Variants in GRM7 observed in about 807,000 individuals in gnomAD.
The protein encoded by GRM7 is glutamate metabotropic receptor 7.
GRM7 carries 35 observed loss-of-function variants against 84.5 expected under a neutral mutation model. The observed-to-expected ratio is 0.41, with a 90% confidence interval of 0.32 to 0.55. GRM7 has a LOEUF of 0.55. Among genes scored for constraint, GRM7 ranks in the 20% least tolerant of loss-of-function variants. GRM7 has a pLI of 0.19. For missense variants in GRM7, 1,003 were observed against 1,194.6 expected (o/e 0.84, Z 2.36); for synonymous variants, 487 against 455.1 (o/e 1.07, Z -0.89).
intron 4 of GRM7, among the ~76,000 whole-genome samples, chr3:7,414,529 C>T (rs561805925): frequency 6.6e-6 from 1 of 152,246 alleles, no homozygotes; most frequent in African/African-American, 2.4e-5. Context: ...TTCCTGGCGT[C>T]CTCGTCCCTG....
intron 5 of GRM7, among the ~76,000 whole-genome samples, chr3:7,438,363 G>A (rs1358725587): frequency 6.6e-6 from 1 of 151,864 alleles, no homozygotes; most frequent in Non-Finnish European, 1.5e-5. Context: ...TGAGATATGG[G>A]GAAATGAGAG....
intron 1 of GRM7, among the ~76,000 whole-genome samples, chr3:7,088,695 T>TTTTTTTTTTTTTTTTTTTTGAG (rs1553615402): frequency 2.1e-5 from 3 of 141,070 alleles, no homozygotes; most frequent in African/African-American, 5.7e-5. Context: ...ACTGATTTCT[T>TTTTTTTTTTTTTTTTTTTTGAG]ATTCATCGAA....
At chr3:7,183,835 A>T (rs1471121673) in intron 2 of GRM7, among the ~76,000 whole-genome samples, 1 of 152,140 alleles carries the variant, frequency 6.6e-6, no homozygotes, top group Non-Finnish European at 1.5e-5. Context: ...GTATTGTAAA[A>T]CTCAAAGAAA....
At chr3:7,064,375 G>C (rs1029988451) in intron 1 of GRM7, among the ~76,000 whole-genome samples, 1 of 149,300 alleles carries the variant, frequency 6.7e-6, no homozygotes, top group Non-Finnish European at 1.5e-5. Flanking sequence ...TGGAATAATA[G>C]TCTCCAATCG....
intron 3 of GRM7, among the ~76,000 whole-genome samples, chr3:7,304,315 T>C: frequency 6.7e-6 from 1 of 150,354 alleles, no homozygotes; most frequent in East Asian, 1.9e-4. Flanking sequence ...ATCCTTTTTT[T>C]TTTTTTTTGC....
intron 5 of GRM7, among the ~76,000 whole-genome samples, chr3:7,419,041 C>T (rs1696288636): frequency 6.6e-6 from 1 of 152,100 alleles, no homozygotes; most frequent in Admixed American, 6.6e-5. Flanking sequence ...ATTTTCTGCT[C>T]TTCTGGGCTG....
intron 1 of GRM7, among the ~76,000 whole-genome samples, chr3:7,024,574 C>T (rs73130517): frequency 2.6e-3 from 400 of 152,320 alleles, no homozygotes; most frequent in African/African-American, 9.3e-3. Flanking sequence ...ATGAGGAGAG[C>T]CTTCCAGGCA....
chr3:6,864,153 C>G (rs913897084), intron 1 of GRM7, among the ~76,000 whole-genome samples: 7 of 152,282 alleles, frequency 4.6e-5, no homozygotes, highest in Middle Eastern at 3.4e-3. Flanking sequence ...TTGCAAATTG[C>G]AGCTATTCAT....
intron 8 of GRM7, among the ~76,000 whole-genome samples, chr3:7,601,796 C>T (rs1461974562): frequency 6.6e-6 from 1 of 152,008 alleles, no homozygotes; most frequent in East Asian, 1.9e-4. Context: ...AAGAGAGACC[C>T]TAACTCTCAA....
At chr3:7,471,319 G>A (rs753927856) in intron 7 of GRM7, among the ~76,000 whole-genome samples, 1 of 152,042 alleles carries the variant, frequency 6.6e-6, no homozygotes, top group East Asian at 1.9e-4. Flanking sequence ...ATATCAAGGC[G>A]GCACCAGGGC....
chr3:7,197,806 T>C (rs1454172319), intron 2 of GRM7, among the ~76,000 whole-genome samples: 1 of 151,972 alleles, frequency 6.6e-6, no homozygotes, highest in African/African-American at 2.4e-5. Context: ...TGCTTAACAA[T>C]TCATAATTAA....
At chr3:7,310,022 T>C (rs1700335723) in intron 4 of GRM7, among the ~76,000 whole-genome samples, 1 of 152,174 alleles carries the variant, frequency 6.6e-6, no homozygotes, top group South Asian at 2.1e-4. Context: ...AATAATCCTC[T>C]GCAGCCTCCA....
chr3:7,726,803 A>G (rs941310736), intron 9 of GRM7, among the ~76,000 whole-genome samples: 3 of 150,612 alleles, frequency 2.0e-5, no homozygotes, highest in Non-Finnish European at 4.4e-5. Context: ...TAAATTTAAT[A>G]TTGATGTATT....
chr3:7,112,994 C>T (rs1171513553), intron 1 of GRM7, among the ~76,000 whole-genome samples: 1 of 151,986 alleles, frequency 6.6e-6, no homozygotes, highest in Admixed American at 6.5e-5. Context: ...TCAAACTTTT[C>T]AAAATGAGCT....
chr3:7,499,298 T>C (rs1193237485), intron 7 of GRM7, among the ~76,000 whole-genome samples: 1 of 152,124 alleles, frequency 6.6e-6, no homozygotes, highest in African/African-American at 2.4e-5. Flanking sequence ...GGGAGATACA[T>C]GGAGTTTCCA....
chr3:7,545,317 G>C (rs995360915), intron 7 of GRM7, among the ~76,000 whole-genome samples: 4 of 152,234 alleles, frequency 2.6e-5, no homozygotes, highest in African/African-American at 9.6e-5. Flanking sequence ...ACTACGTTAA[G>C]TATTTAATGA....
intron 9 of GRM7, among the ~76,000 whole-genome samples, chr3:7,709,989 C>T (rs549459145): frequency 8.5e-4 from 129 of 152,198 alleles, no homozygotes; most frequent in African/African-American, 3.0e-3. Context: ...TCCAAGAATT[C>T]GGACAGGTCA....
rs146412439 is a variant in GRM7, at chr3:7,177,051, C to G, written c.736+30383C>G. Among the ~76,000 whole-genome samples the G allele has an allele frequency of 2.0e-5, 3 of 152,292 alleles. No individual in the cohort carries two copies. The South Asian group carries it at 6.2e-4, about 32-fold the overall frequency. ...CTTTTCACATAGACTCCAAATTTTT[C>G]TGAATCCTTATCTTTGCTCATTTTG... On this transcript the variant is annotated intron_variant, in intron 2 of 9. Coordinates refer to ENST00000357716, the MANE Select transcript of GRM7 (RefSeq NM_000844.4).
At chr3:7,210,180 TAAG>T (rs1298378702) in intron 2 of GRM7, among the ~76,000 whole-genome samples, 1 of 152,198 alleles carries the variant, frequency 6.6e-6, no homozygotes, top group Non-Finnish European at 1.5e-5. Flanking sequence ...GATGCTGAGT[TAAG>T]AAATCTTAGC....
Sources: gnomAD v4.1 joint callset for allele counts (sites outside exome capture counted in the v4.1 genomes callset) on GRCh38, gnomAD v4.1.1 for gene constraint, MANE v1.5 for transcripts, NCBI Gene and HGNC (gene_info 2026-07-23, HGNC 2026-07-21) for gene names.